TRPM3: variants seen among roughly 807,000 people sequenced by gnomAD.
The protein encoded by TRPM3 is transient receptor potential cation channel subfamily M member 3, also known as long transient receptor potential channel 3.
A neutral mutation model predicts 181.2 loss-of-function variants in TRPM3; 77 were observed. The ratio of observed to expected loss-of-function variants is 0.42; its 90% CI spans 0.35 to 0.51. TRPM3 has a LOEUF of 0.51. Ranked by LOEUF, TRPM3 falls within the 20% of genes least tolerant of loss-of-function variation. The pLI is 0.01. For synonymous variants in TRPM3, 745 were observed against 796.4 expected, an observed-to-expected ratio of 0.94 and a Z score of 1.09; for missense variants, 1,759 against 2,196.7, an observed-to-expected ratio of 0.80 and a Z score of 3.98.
chr9:71,238,813 T>C (rs1457748885), intron 1 of TRPM3, among the ~76,000 whole-genome samples: 2 of 152,170 alleles, frequency 1.3e-5, no homozygotes, highest in Non-Finnish European at 2.9e-5. Flanking sequence ...CCTTCACCTG[T>C]GGAAGGCATT....
rs533346228 is a variant in TRPM3, at chr9:71,419,355, A to C, written c.183+27298T>G. 2.6e-5 allele frequency among the ~76,000 whole-genome samples: 4 copies of C among 152,046 alleles called. No homozygotes were observed. In the South Asian group the frequency reaches 8.3e-4, roughly 32 times the overall value. ...AAACAAATGGCTGTTCAGATGTTTC[A>C]AGACTGAGAAATTTATTCAAATGCG... On this transcript the variant is annotated intron_variant, in intron 1 of 24. Coordinates refer to the TRPM3 transcript ENST00000357533.
At chr9:70,890,603 A>C (rs1276724044) in intron 1 of TRPM3, among the ~76,000 whole-genome samples, 1 of 152,120 alleles carries the variant, frequency 6.6e-6, no homozygotes, top group Admixed American at 6.6e-5. Context: ...TTCGTAAATA[A>C]GATCAAGATT....
intron 1 of TRPM3, among the ~76,000 whole-genome samples, chr9:71,136,276 T>G (rs1306891979): frequency 1.3e-5 from 2 of 152,204 alleles, no homozygotes; most frequent in African/African-American, 4.8e-5. Flanking sequence ...TTTAATCCTT[T>G]AAAGTTGACT....
chr9:70,862,603 TAATA>T (rs2095550455), intron 3 of TRPM3, among the ~76,000 whole-genome samples: 1 of 152,238 alleles, frequency 6.6e-6, no homozygotes, highest in Non-Finnish European at 1.5e-5. Context: ...GAAAATGACA[TAATA>T]AACAGTGAAT....
chr9:70,750,477 G>A (rs553824856), intron 8 of TRPM3, among the ~76,000 whole-genome samples: 38 of 152,262 alleles, frequency 2.5e-4, no homozygotes, highest in African/African-American at 8.4e-4. Context: ...ATCAAGCCTG[G>A]AGGAGTGTTT....
chr9:71,446,954 G>T (rs2094211693), upstream of TRPM3: 5 of 1,034,908 alleles, frequency 4.8e-6, no homozygotes, highest in Non-Finnish European at 6.6e-6. Context: ...CTTTGCCTCC[G>T]CCGGCTCCTG....
chr9:71,425,232 C>A (rs1337688116), intron 1 of TRPM3, among the ~76,000 whole-genome samples: 1 of 152,106 alleles, frequency 6.6e-6, no homozygotes, highest in Non-Finnish European at 1.5e-5. Flanking sequence ...GCTTTAATAT[C>A]ACCCATAAAC....
chr9:70,664,838 A>G (rs968504609), intron 9 of TRPM3, among the ~76,000 whole-genome samples: 16 of 151,854 alleles, frequency 1.1e-4, no homozygotes, highest in Non-Finnish European at 1.9e-4. Context: ...TTTAGTAGAC[A>G]TGGGTTTCAC....
chr9:71,185,740 C>A (rs2077638409), intron 1 of TRPM3, among the ~76,000 whole-genome samples: 1 of 151,982 alleles, frequency 6.6e-6, no homozygotes, highest in East Asian at 2.0e-4. Flanking sequence ...GATCAGGAAA[C>A]TGAAGCTAGA....
intron 9 of TRPM3, among the ~76,000 whole-genome samples, chr9:70,645,171 C>T (rs985576987): frequency 2.6e-5 from 4 of 152,144 alleles, no homozygotes; most frequent in Non-Finnish European, 4.4e-5. Flanking sequence ...TACCATCAAG[C>T]TACCATTGAC....
chr9:70,584,655 G>A (rs749410091), intron 22 of TRPM3, among the ~76,000 whole-genome samples: 5 of 152,058 alleles, frequency 3.3e-5, no homozygotes, highest in South Asian at 2.1e-4. Flanking sequence ...GTATAATCAC[G>A]GCCTTCAGGA....
At chr9:70,582,202 GT>G (rs1414026916) in intron 22 of TRPM3, among the ~76,000 whole-genome samples, 1 of 151,898 alleles carries the variant, frequency 6.6e-6, no homozygotes, top group Non-Finnish European at 1.5e-5. Context: ...GTGTGTGTGT[GT>G]GTGTGTGTCA....
rs370937753 is a variant in TRPM3, at chr9:70,768,747, C to T, written c.1149-7023G>A. ...GTGAATTGGCCACCCAACTCAAAAACGTATATTTGATTCTGTTTCTGGATA... is the reference window on the plus strand; with the variant it reads ...GTGAATTGGCCACCCAACTCAAAAATGTATATTTGATTCTGTTTCTGGATA... On this transcript the variant is annotated intron_variant, in intron 7 of 25. Coordinates refer to ENST00000677713, the MANE Select transcript of TRPM3 (RefSeq NM_001366145.2). Among the ~76,000 whole-genome samples the T allele has an allele frequency of 1.4e-3, 209 of 152,128 alleles. 3 individuals carry two copies. In the South Asian group the frequency reaches 0.019, roughly 14 times the overall value.
intron 1 of TRPM3, among the ~76,000 whole-genome samples, chr9:71,171,369 A>G (rs1038776468): frequency 1.3e-5 from 2 of 152,098 alleles, no homozygotes; most frequent in Non-Finnish European, 1.5e-5. Flanking sequence ...AATCCCTAAT[A>G]AAAACTTGCT....
chr9:70,959,904 A>C (rs1231031238), intron 1 of TRPM3, among the ~76,000 whole-genome samples: 1 of 152,180 alleles, frequency 6.6e-6, no homozygotes, highest in East Asian at 1.9e-4. Context: ...AGTAGGGTAG[A>C]GCTATCTGAT....
chr9:70,590,972 A>T (rs1436827586), intron 22 of TRPM3, 59 bp downstream of exon 22: 2 of 1,607,210 alleles, frequency 1.2e-6, no homozygotes. Flanking sequence ...TGGAAAAGAC[A>T]TAACCGAATT....
At chr9:71,381,204 T>C (rs534918043) in intron 1 of TRPM3, among the ~76,000 whole-genome samples, 1 of 152,176 alleles carries the variant, frequency 6.6e-6, no homozygotes, top group South Asian at 2.1e-4. Flanking sequence ...TAATAAATGA[T>C]AGAGGACAGG....
chr9:71,122,908 T>C (rs1427846813), upstream of TRPM3, among the ~76,000 whole-genome samples: 1 of 152,244 alleles, frequency 6.6e-6, no homozygotes, highest in Non-Finnish European at 1.5e-5. Flanking sequence ...TCTGTTACTA[T>C]TCTATTTCCA....
At chr9:70,755,475 A>G (rs1255879490) in intron 8 of TRPM3, among the ~76,000 whole-genome samples, 1 of 151,920 alleles carries the variant, frequency 6.6e-6, no homozygotes, top group Non-Finnish European at 1.5e-5. Context: ...GGTTCAAGCA[A>G]TTCTCCTGCC....
Sources: gnomAD v4.1 joint callset for allele counts (sites outside exome capture counted in the v4.1 genomes callset) on GRCh38, gnomAD v4.1.1 for gene constraint, MANE v1.5 for transcripts, NCBI Gene and HGNC (gene_info 2026-07-23, HGNC 2026-07-21) for gene names.